Variants in PTPRA observed in about 807,000 individuals in gnomAD.
PTPRA encodes the protein protein tyrosine phosphatase receptor type A.
In PTPRA, 25 loss-of-function variants were observed where a neutral mutation model predicts 104.8. That is an observed-to-expected ratio of 0.24 (90% CI 0.17 to 0.33). PTPRA has a LOEUF of 0.33. Ranked by LOEUF, PTPRA falls within the 10% of genes least tolerant of loss-of-function variation. The probability of loss-of-function intolerance (pLI) is 1.00; values close to 1 mark genes in which losing one functional copy is unlikely to be tolerated. For synonymous variants in PTPRA, 323 were observed against 368.9 expected (o/e 0.88, Z 1.43); for missense variants, 765 against 1,015.3 (o/e 0.75, Z 3.35).
Position 2,951,640 on chromosome 20 carries a change from C to G in PTPRA, c.-7+3616C>G, listed in dbSNP as rs116171505. ...CCTAAACATGCTTACCCTGCCTTGC[C>G]CATTCCTTCCGCTGAAACCACATAA... On this transcript the variant is annotated intron_variant, in intron 3 of 23. Transcript: ENST00000399903. 5.6e-3 allele frequency among the ~76,000 whole-genome samples: 853 copies of G among 152,284 alleles called. 8 individuals carry two copies. The highest frequency in any genetic ancestry group is 0.019 in the African/African-American group (789 of 41,564).
At chr20:2,887,210 T>C (rs2090438785) in intron 1 of PTPRA, among the ~76,000 whole-genome samples, 1 of 152,254 alleles carries the variant, frequency 6.6e-6, no homozygotes, top group Admixed American at 6.5e-5. Flanking sequence ...ACTATTTTAA[T>C]TGATGGAAGT....
rs147613749 is a variant in PTPRA, at chr20:2,992,746, T to C, written c.738+4272T>C. On this transcript the variant is annotated intron_variant, in intron 9 of 23. Coordinates refer to ENST00000399903, the MANE Select transcript of PTPRA (RefSeq NM_001385305.1). ...GCTCCATACAATCTACCAGAGCTTATTTCTCTGTGGCCTGGATCAGCAGGA... is the reference window on the plus strand; with the variant it reads ...GCTCCATACAATCTACCAGAGCTTACTTCTCTGTGGCCTGGATCAGCAGGA... 4.0e-3 allele frequency among the ~76,000 whole-genome samples: 602 copies of C among 152,330 alleles called. 3 individuals are homozygous for C. Among genetic ancestry groups the C allele is most frequent in the South Asian group, 7.0e-3 (34 of 4,834 alleles).
chr20:3,012,688 C>T (rs952920979), intron 11 of PTPRA, among the ~76,000 whole-genome samples: 20 of 152,216 alleles, frequency 1.3e-4, no homozygotes. Flanking sequence ...AACAGATTTT[C>T]TTTGGACTTA....
At chr20:3,033,758 G>A (rs1056206585) in intron 20 of PTPRA, among the ~76,000 whole-genome samples, 9 of 151,468 alleles carry the variant, frequency 5.9e-5, no homozygotes, top group African/African-American at 1.9e-4. Context: ...AAAATTAGCG[G>A]GCATGGTGAT....
intron 1 of PTPRA, among the ~76,000 whole-genome samples, chr20:2,911,336 C>T (rs955704670): frequency 3.0e-4 from 46 of 152,220 alleles, no homozygotes; most frequent in Admixed American, 3.0e-3. Context: ...GTGAGTCACA[C>T]TGATACTGCA....
rs144223554 is a variant in PTPRA, at chr20:2,885,609, CAACA to C, written c.-129+11854_-129+11857del. Among the ~76,000 whole-genome samples the C allele has an allele frequency of 4.1e-4, 62 of 152,264 alleles. 1 individual carries two copies. The East Asian group carries it at 9.6e-3, about 24-fold the overall frequency. On this transcript the variant is annotated intron_variant, in intron 1 of 23. Transcript: ENST00000399903. ...ATTCATGAAATAGTCTTGCTTGCCC[CAACA>C]AACAGAGTCAAACCTTCCTCTGATT...
At chr20:3,001,676 G>A (rs189494961) in intron 9 of PTPRA, among the ~76,000 whole-genome samples, 1 of 152,294 alleles carries the variant, frequency 6.6e-6, no homozygotes, top group African/African-American at 2.4e-5. Context: ...TACTGCGTGT[G>A]TAAGAGTCCA....
chr20:2,930,558 T>C (rs1471970663), intron 2 of PTPRA, among the ~76,000 whole-genome samples: 2 of 152,172 alleles, frequency 1.3e-5, no homozygotes, highest in Non-Finnish European at 2.9e-5. Flanking sequence ...GTTGGCAGTG[T>C]TGGTTCCTTC....
At position 3,038,153 on chromosome 20, in the gene PTPRA, G is replaced by A. The variant is rs1238880541; in HGVS notation, c.*20G>A. On this transcript the variant is annotated 3_prime_UTR_variant, in exon 24 of 24. Coordinates refer to ENST00000399903, the MANE Select transcript of PTPRA (RefSeq NM_001385305.1). ...AAGTAAGCGGCAACAAGGGTCCGTG[G>A]ACCAGGAGGATTGCCTTTAATATTT... The A allele has an allele frequency of 3.0e-5, 47 of 1,580,978 alleles. No homozygotes were observed. The highest frequency in any genetic ancestry group is 4.0e-5 in the Non-Finnish European group (46 of 1,150,190).
intron 1 of PTPRA, among the ~76,000 whole-genome samples, chr20:2,888,147 A>C (rs2146932641): frequency 6.6e-6 from 1 of 152,020 alleles, no homozygotes; most frequent in Admixed American, 6.6e-5. Context: ...GACAAAGAAA[A>C]CCCCTTTTCT....
chr20:2,943,187 C>T (rs2060985423), intron 2 of PTPRA, among the ~76,000 whole-genome samples: 1 of 146,254 alleles, frequency 6.8e-6, no homozygotes, highest in Non-Finnish European at 1.5e-5. Context: ...CAGGCATCTA[C>T]TGGGAGTCTT....
At chr20:2,994,975 C>G (rs781523826) in intron 9 of PTPRA, among the ~76,000 whole-genome samples, 1 of 152,006 alleles carries the variant, frequency 6.6e-6, no homozygotes, top group Non-Finnish European at 1.5e-5. Context: ...ACTAAAAATA[C>G]AAAAATTAGC....
At chr20:3,021,556 T>C (rs908029998) in intron 14 of PTPRA, 128 bp downstream of exon 14, 18 of 1,322,056 alleles carry the variant, frequency 1.4e-5, no homozygotes, top group Non-Finnish European at 1.9e-5. Context: ...TGAAACCAGA[T>C]ATCCGGGCTC....
intron 20 of PTPRA, among the ~76,000 whole-genome samples, chr20:3,030,770 C>T (rs183656102): frequency 6.9e-6 from 1 of 145,412 alleles, no homozygotes; most frequent in East Asian, 2.1e-4. Flanking sequence ...GCTGCAACCT[C>T]CACCTCCAGG....
At chr20:2,987,931 G>A (rs929280472) in intron 7 of PTPRA, 101 bp from the exon 8 acceptor site, 2 of 1,149,202 alleles carry the variant, frequency 1.7e-6, no homozygotes, top group East Asian at 2.3e-5. Context: ...TATTTTTAAA[G>A]GCGATTTAGA....
intron 1 of PTPRA, among the ~76,000 whole-genome samples, chr20:2,902,457 C>T (rs1302312464): frequency 6.6e-6 from 1 of 152,148 alleles, no homozygotes; most frequent in African/African-American, 2.4e-5. Context: ...CAGATTGATG[C>T]AGTCATGGAA....
In PTPRA at chr20:3,036,052, G is replaced by A. The variant is rs1177795074; in HGVS notation, c.2198+111G>A. ...AAAGCCATACAAGAGCAAGATATTG[G>A]TGAGCACATAGTAGTTGAGATTGAT... On this transcript the variant is annotated intron_variant, in intron 22 of 23. Transcript: ENST00000399903. 5 of 1,543,116 alleles carry A rather than the reference G, an allele frequency of 3.2e-6. No homozygotes were observed. The African/African-American group carries it at 6.8e-5, about 21-fold the overall frequency.
rs780328393 is a variant in PTPRA, at chr20:3,015,857, A to G, written c.915A>G (p.Gln305=). 4.5e-6 allele frequency: 7 copies of G among 1,560,974 alleles called. No homozygotes were observed. The South Asian group carries it at 7.8e-5, about 17-fold the overall frequency. The change falls in exon 12 of 24, where the codon CAA becomes CAG. Residue 305 remains glutamine, a synonymous_variant. Transcript: ENST00000399903. ...CCTTCCCCACACCCCAGGGCTACCA[A>G]GAAAAGAACAAATTCATTGCTGCAC... ...YINASFINGY[Q]EKNKFIAAQG...
intron 2 of PTPRA, among the ~76,000 whole-genome samples, chr20:2,936,579 G>C (rs1267477967): frequency 2.6e-5 from 4 of 151,924 alleles, no homozygotes; most frequent in African/African-American, 9.7e-5. Flanking sequence ...CTCCACCTCA[G>C]CCTCCTGAGT....
Sources: gnomAD v4.1 joint callset for allele counts (sites outside exome capture counted in the v4.1 genomes callset) on GRCh38, gnomAD v4.1.1 for gene constraint, MANE v1.5 for transcripts, NCBI Gene and HGNC (gene_info 2026-07-23, HGNC 2026-07-21) for gene names.